Variants in RMST observed in about 807,000 individuals in gnomAD.
RMST encodes the protein rhabdomyosarcoma 2 associated transcript.
intron 10 of RMST, among the ~76,000 whole-genome samples, chr12:97,502,589 T>G (rs1220166274): frequency 6.6e-6 from 1 of 151,968 alleles, no homozygotes; most frequent in Non-Finnish European, 1.5e-5. Flanking sequence ...GCCTCCCGAG[T>G]AGCTCAGACA....
At chr12:97,475,913 T>C (rs1008734419) in intron 5 of RMST, among the ~76,000 whole-genome samples, 5 of 152,240 alleles carry the variant, frequency 3.3e-5, no homozygotes, top group African/African-American at 1.2e-4. Context: ...GTTAAAGCTG[T>C]AATTTCTATT....
At chr12:97,504,458 T>C (rs1420500160) in intron 10 of RMST, among the ~76,000 whole-genome samples, 1 of 151,464 alleles carries the variant, frequency 6.6e-6, no homozygotes, top group East Asian at 1.9e-4. Context: ...AATGAATAGG[T>C]TTAATCTAAA....
chr12:97,505,146 T>G (rs1878527257), intron 10 of RMST, among the ~76,000 whole-genome samples: 1 of 152,236 alleles, frequency 6.6e-6, no homozygotes, highest in African/African-American at 2.4e-5. Flanking sequence ...TGCAAATTAT[T>G]CAGCAGTGTC....
At chr12:97,510,939 T>A (rs1345336303) in intron 10 of RMST, among the ~76,000 whole-genome samples, 1 of 152,094 alleles carries the variant, frequency 6.6e-6, no homozygotes, top group African/African-American at 2.4e-5. Context: ...ATAATTGGGA[T>A]CTTGTTTCTC....
intron 13 of RMST, among the ~76,000 whole-genome samples, chr12:97,562,130 T>A (rs571248182): frequency 6.6e-6 from 1 of 152,250 alleles, no homozygotes; most frequent in African/African-American, 2.4e-5. Context: ...CAATGTTGGC[T>A]TTCAGCAAGC....
In RMST at chr12:97,480,179, C is replaced by A. The variant is rs142351583; in HGVS notation, n.645-12282C>A. 7.6e-3 allele frequency among the ~76,000 whole-genome samples: 1,148 copies of A among 151,328 alleles called. 8 individuals are homozygous for A. Among genetic ancestry groups the A allele is most frequent in the Middle Eastern group, 0.034 (10 of 292 alleles). On this transcript the variant is annotated intron_variant and non_coding_transcript_variant, in intron 5 of 13. Coordinates refer to ENST00000640149, the Ensembl canonical transcript of RMST. ...GATCTCGGCTCACTGCAAGCTCTGC[C>A]TGCGGGTTCATGCCATTCTCTTGCC...
chr12:97,495,168 T>C (rs1877251371), intron 9 of RMST, among the ~76,000 whole-genome samples: 1 of 70,528 alleles, frequency 1.4e-5, no homozygotes, highest in African/African-American at 9.3e-5. Context: ...TGTACATCAT[T>C]ATTCTTATGG....
chr12:97,554,424 T>C (rs1484850279), intron 11 of RMST, among the ~76,000 whole-genome samples: 1 of 152,164 alleles, frequency 6.6e-6, no homozygotes, highest in Non-Finnish European at 1.5e-5. Flanking sequence ...GATACTTTTC[T>C]GCCAATAAAA....
chr12:97,549,348 CAGAG>C (rs568686425), intron 11 of RMST, among the ~76,000 whole-genome samples: 33 of 152,200 alleles, frequency 2.2e-4, no homozygotes, highest in Non-Finnish European at 4.4e-4. Flanking sequence ...GAGCCATTCT[CAGAG>C]AGCATATGGG....
chr12:97,555,887 C>T (rs1283533051), intron 11 of RMST, among the ~76,000 whole-genome samples: 1 of 152,222 alleles, frequency 6.6e-6, no homozygotes, highest in East Asian at 1.9e-4. Context: ...TACCGGCTGG[C>T]TTCAAATTTA....
chr12:97,523,679 G>A (rs1880743632), intron 10 of RMST, among the ~76,000 whole-genome samples: 1 of 152,170 alleles, frequency 6.6e-6, no homozygotes, highest in African/African-American at 2.4e-5. Context: ...AGCATAGGGA[G>A]GAAATTCTAA....
chr12:97,499,633 TC>T (rs1344441882), intron 10 of RMST, among the ~76,000 whole-genome samples: 3 of 150,286 alleles, frequency 2.0e-5, no homozygotes, highest in African/African-American at 7.4e-5. Flanking sequence ...TCTTTTTTTT[TC>T]TTTTTCTTTT....
chr12:97,482,684 TTTA>T (rs1478664614), intron 5 of RMST, among the ~76,000 whole-genome samples: 2 of 100,360 alleles, frequency 2.0e-5, no homozygotes, highest in African/African-American at 4.6e-5. Context: ...ATTTAATTTA[TTTA>T]TTATTTATTT....
chr12:97,502,385 G>C (rs1878175505), intron 10 of RMST, among the ~76,000 whole-genome samples: 1 of 152,186 alleles, frequency 6.6e-6, no homozygotes, highest in African/African-American at 2.4e-5. Flanking sequence ...CTGAATACTT[G>C]ATTTTTCCCT....
intron 5 of RMST, among the ~76,000 whole-genome samples, chr12:97,479,866 G>A (rs536802220): frequency 3.9e-5 from 6 of 152,100 alleles, no homozygotes; most frequent in African/African-American, 1.4e-4. Context: ...TGTCCAACAG[G>A]CACCCTCCAA....
At chr12:97,527,912 G>A (rs185449221) in intron 10 of RMST, among the ~76,000 whole-genome samples, 9 of 152,048 alleles carry the variant, frequency 5.9e-5, no homozygotes, top group Non-Finnish European at 1.3e-4. Context: ...AAAATAAAAG[G>A]TGTAGCACAA....
chr12:97,524,256 C>T (rs926819650), intron 10 of RMST, among the ~76,000 whole-genome samples: 1 of 151,892 alleles, frequency 6.6e-6, no homozygotes, highest in Non-Finnish European at 1.5e-5. Flanking sequence ...GAATGTCGGG[C>T]TCCATCTCGG....
intron 5 of RMST, among the ~76,000 whole-genome samples, chr12:97,472,202 G>A (rs1368792060): frequency 6.6e-6 from 1 of 152,032 alleles, no homozygotes; most frequent in African/African-American, 2.4e-5. Flanking sequence ...TTTTGTGTTA[G>A]CAGCTTTTAA....
chr12:97,475,267 T>TC (rs1453145147), intron 5 of RMST, among the ~76,000 whole-genome samples: 1 of 152,158 alleles, frequency 6.6e-6, no homozygotes, highest in Non-Finnish European at 1.5e-5. Flanking sequence ...TTGGAAGGCT[T>TC]TTGAAGGTCT....
Sources: gnomAD v4.1 joint callset for allele counts (sites outside exome capture counted in the v4.1 genomes callset) on GRCh38, gnomAD v4.1.1 for gene constraint, MANE v1.5 for transcripts, NCBI Gene and HGNC (gene_info 2026-07-23, HGNC 2026-07-21) for gene names.